LONRF1: variants seen among roughly 807,000 people sequenced by gnomAD.
LONRF1 encodes LON peptidase N-terminal domain and RING finger protein 1.
LONRF1 carries 37 observed loss-of-function variants against 85.8 expected under a neutral mutation model. The ratio of observed to expected loss-of-function variants is 0.43; its 90% CI spans 0.33 to 0.57. The LOEUF (loss-of-function observed/expected upper bound fraction) is 0.57, where lower values mean the gene tolerates loss of function less well. Among genes scored for constraint, LONRF1 ranks in the 20% least tolerant of loss-of-function variants. LONRF1 has a pLI of 0.04. For synonymous variants in LONRF1, 517 were observed against 390.1 expected, an observed-to-expected ratio of 1.33 and a Z score of -3.83; for missense variants, 1,036 against 978.0, an observed-to-expected ratio of 1.06 and a Z score of -0.79.
intron 8 of LONRF1, among the ~76,000 whole-genome samples, chr8:12,730,451 A>G (rs1279746381): frequency 1.3e-5 from 2 of 152,144 alleles, no homozygotes; most frequent in East Asian, 1.9e-4. Context: ...TTATATAAAC[A>G]TAAGGTGAAA....
Position 12,725,342 on chromosome 8 carries a change from T to A in LONRF1, c.2163+385A>T, listed in dbSNP as rs979960974. ...AAATGTATAGAAAATGGTAAGTCTC[T>A]CTGCTGTCAAAGAATAACAGCAACA... On this transcript the variant is annotated intron_variant, in intron 11 of 11. Transcript: ENST00000398246. Among the ~76,000 whole-genome samples the A allele has an allele frequency of 1.8e-4, 28 of 152,246 alleles. 1 individual carries two copies. The highest frequency in any genetic ancestry group is 6.3e-4 in the African/African-American group (26 of 41,456).
chr8:12,735,196 C>T (rs989984011), intron 7 of LONRF1, 90 bp downstream of exon 7: 19 of 792,978 alleles, frequency 2.4e-5, no homozygotes, highest in East Asian at 1.3e-4. Context: ...TAATTCTGAA[C>T]GTGATCATCA....
At chr8:12,747,123 A>T (rs1799191372) in intron 1 of LONRF1, among the ~76,000 whole-genome samples, 2 of 152,202 alleles carry the variant, frequency 1.3e-5, no homozygotes, top group Non-Finnish European at 2.9e-5. Context: ...CCTTAAGCTC[A>T]ATTCATGTTC....
chr8:12,726,392 A>T (rs945464843), intron 10 of LONRF1, among the ~76,000 whole-genome samples: 1 of 152,238 alleles, frequency 6.6e-6, no homozygotes, highest in Admixed American at 6.5e-5. Flanking sequence ...ACAAACAAAA[A>T]GCTACAACAA....
chr8:12,736,014 A>G (rs191039777), intron 6 of LONRF1, among the ~76,000 whole-genome samples: 48 of 152,300 alleles, frequency 3.2e-4, no homozygotes, highest in African/African-American at 1.1e-3. Flanking sequence ...TGAATTTGCT[A>G]GAAATAGATT....
At chr8:12,743,816 T>A (rs1799037138) in intron 1 of LONRF1, among the ~76,000 whole-genome samples, 1 of 151,730 alleles carries the variant, frequency 6.6e-6, no homozygotes, top group Non-Finnish European at 1.5e-5. Context: ...AGTCAGCTTT[T>A]AAGAGATCGA....
Position 12,739,372 on chromosome 8 carries a change from CA to C in LONRF1, c.964-1229del, listed in dbSNP as rs527266754. ...AAAAAAAAAAAAACAAACCCAGACA[CA>C]AAACAGTATATATTGTATGATTCCA... On this transcript the variant is annotated intron_variant, in intron 3 of 11. Coordinates refer to ENST00000398246, the MANE Select transcript of LONRF1 (RefSeq NM_152271.5). Among the ~76,000 whole-genome samples the C allele has an allele frequency of 3.4e-4, 46 of 136,626 alleles. No individual in the cohort carries two copies. The East Asian group carries it at 8.2e-3, about 24-fold the overall frequency. 89.6% of individuals were successfully genotyped at this position (136,626 alleles called of 152,430 possible).
chr8:12,745,599 C>A (rs17118252), intron 1 of LONRF1, among the ~76,000 whole-genome samples: 4,323 of 152,308 alleles, frequency 0.028, 202 homozygotes, highest in African/African-American at 0.097. Context: ...GAGGACACTA[C>A]AGACGAGTCA....
chr8:12,747,096 T>A (rs574002644), intron 1 of LONRF1, among the ~76,000 whole-genome samples: 6 of 152,362 alleles, frequency 3.9e-5, no homozygotes, highest in East Asian at 1.9e-4. Context: ...TTAGAAAAAA[T>A]TCATTAAAAT....
chr8:12,736,272 C>G (rs1316522624), intron 6 of LONRF1, among the ~76,000 whole-genome samples: 1 of 152,080 alleles, frequency 6.6e-6, no homozygotes, highest in African/African-American at 2.4e-5. Context: ...CCTTATGTTA[C>G]TTTAAAAAGA....
chr8:12,722,669 A>G lies in LONRF1; in HGVS notation c.*427T>C, dbSNP rs1805947216. The G allele has an allele frequency of 6.5e-6, 1 of 154,196 alleles. No individual in the cohort carries two copies. The highest frequency in any genetic ancestry group is 6.4e-5 in the Admixed American group (1 of 15,596). 9.6% of individuals were successfully genotyped at this position (154,196 alleles called of 1,614,324 possible). On this transcript the variant is annotated 3_prime_UTR_variant, in exon 12 of 12. Coordinates refer to ENST00000398246, the MANE Select transcript of LONRF1 (RefSeq NM_152271.5). ...ATCGCTACTCTTGTAAACTTGGGCA[A>G]TAAATGACCCTCGGCAAGTTCTGCT... is the stretch of plus-strand genomic sequence containing the variant.
At position 12,725,865 on chromosome 8, in the gene LONRF1, A is replaced by G; in HGVS notation, c.2025T>C (p.Asp675=). The change falls in exon 11 of 12, where the codon GAT becomes GAC. Residue 675 remains aspartate (D), a synonymous_variant. Transcript: ENST00000398246. ...YLEDVKVENE[D]EIKNLRELHD... is the part of the protein sequence containing the mutation. ...GAAGCTCTCTGAGATTCTTAATCTCATCTTCATTCTCAACCTAGAAATACA... is the reference window on the plus strand; with the variant it reads ...GAAGCTCTCTGAGATTCTTAATCTCGTCTTCATTCTCAACCTAGAAATACA... 6.2e-7 allele frequency: 1 copy of G among 1,609,908 alleles called. No homozygotes were observed. Among genetic ancestry groups the G allele is most frequent in the Non-Finnish European group, 8.5e-7 (1 of 1,177,416 alleles).
At chr8:12,723,747 C>G (rs762275565) in intron 11 of LONRF1, among the ~76,000 whole-genome samples, 1 of 152,186 alleles carries the variant, frequency 6.6e-6, no homozygotes, top group Admixed American at 6.5e-5. Flanking sequence ...TAGTTGACAG[C>G]CACTTTCTTG....
At chr8:12,746,181 T>G (rs371188229) in intron 1 of LONRF1, among the ~76,000 whole-genome samples, 2 of 152,018 alleles carry the variant, frequency 1.3e-5, no homozygotes, top group African/African-American at 4.8e-5. Context: ...ACTATTGCAA[T>G]AGCTTGCTCA....
chr8:12,747,091 A>C (rs1302836252), intron 1 of LONRF1, among the ~76,000 whole-genome samples: 2 of 152,232 alleles, frequency 1.3e-5, no homozygotes, highest in East Asian at 3.8e-4. Flanking sequence ...CTGAATTAGA[A>C]AAAATTCATT....
rs766271287 is a variant in LONRF1 at position 12,736,998 on chromosome 8, A to C, written c.1256T>G (p.Val419Gly). The part of the protein sequence containing the change: ...KRVSSEPVLS[V>G]QEKGVLLKRK... ...TTTCAGCAGAACACCTTTTTCTTGA[A>C]CTGACAGAACAGGTTCTGAGGACAC... The change falls in exon 5 of 12, where the codon GTT becomes GGT. Residue 419 changes from valine (V) to glycine (G), a missense_variant. Transcript: ENST00000398246. 6 of 1,613,516 alleles carry C rather than the reference A, an allele frequency of 3.7e-6. No individual in the cohort carries two copies. In the South Asian group the frequency reaches 6.6e-5, roughly 18 times the overall value.
At chr8:12,735,459 T>C in intron 6 of LONRF1, 59 bp from the exon 7 acceptor site, 4 of 1,085,290 alleles carry the variant, frequency 3.7e-6, no homozygotes, top group Non-Finnish European at 5.5e-6. Flanking sequence ...GAAAAGCTTG[T>C]ACTACTTTAG....
chr8:12,733,836 A>G (rs975196422), intron 7 of LONRF1, among the ~76,000 whole-genome samples: 10 of 152,210 alleles, frequency 6.6e-5, no homozygotes, highest in African/African-American at 2.2e-4. Flanking sequence ...CAGCATACCA[A>G]TCTTTTTTAA....
chr8:12,735,563 T>G, intron 6 of LONRF1, 163 bp from the exon 7 acceptor site: 2 of 573,062 alleles, frequency 3.5e-6, no homozygotes, highest in South Asian at 4.3e-5. Flanking sequence ...AACCATACCC[T>G]CCAGAATGTT....
Sources: gnomAD v4.1 joint callset for allele counts (sites outside exome capture counted in the v4.1 genomes callset) on GRCh38, gnomAD v4.1.1 for gene constraint, MANE v1.5 for transcripts, NCBI Gene and HGNC (gene_info 2026-07-23, HGNC 2026-07-21) for gene names.